Variants in UNC80 observed in about 807,000 individuals in gnomAD.
The protein encoded by UNC80 is protein unc-80 homolog.
Under a neutral mutation model 384.6 loss-of-function variants are expected in UNC80, and 164 were observed. The observed-to-expected ratio is 0.43, with a 90% CI of 0.38 to 0.49. The LOEUF is 0.49. Among genes scored for constraint, UNC80 ranks in the 20% least tolerant of loss-of-function variants. The pLI is 0.00. For synonymous variants in UNC80, 1,486 were observed against 1,527.8 expected, an observed-to-expected ratio of 0.97 and a Z score of 0.64; for missense variants, 3,330 against 4,143.0, an observed-to-expected ratio of 0.80 and a Z score of 5.39.
rs570625848 is a variant in UNC80, at chr2:209,805,728, C to T, written c.939-7852C>T. 8.5e-4 allele frequency among the ~76,000 whole-genome samples: 129 copies of T among 151,956 alleles called. 1 individual carries two copies. The highest frequency in any genetic ancestry group is 2.6e-3 in the African/African-American group (108 of 41,388). On this transcript the variant is annotated intron_variant, in intron 7 of 64. Coordinates refer to ENST00000673920, the MANE Select transcript of UNC80 (RefSeq NM_001371986.1). The stretch of plus-strand genomic sequence containing the variant: ...ACCTAATCTTCTATAACCTAATCTT[C>T]TATAACCTAATCTTTTATAACCTAA...
intron 42 of UNC80, among the ~76,000 whole-genome samples, chr2:209,938,545 G>A (rs2091399531): frequency 1.3e-5 from 2 of 152,160 alleles, no homozygotes; most frequent in South Asian, 4.1e-4. Flanking sequence ...CAAGGTGTGA[G>A]ATGTTGGGCA....
chr2:209,804,876 C>T (rs932119421), intron 7 of UNC80, among the ~76,000 whole-genome samples: 8 of 151,448 alleles, frequency 5.3e-5, no homozygotes, highest in South Asian at 2.1e-4. Flanking sequence ...TCTAATGGAA[C>T]GGTATTCTTG....
At chr2:209,827,911 G>A (rs903008232) in intron 14 of UNC80, among the ~76,000 whole-genome samples, 3 of 152,062 alleles carry the variant, frequency 2.0e-5, no homozygotes, top group Admixed American at 6.6e-5. Flanking sequence ...TCATTAGCTG[G>A]TAGTCTCCAA....
At chr2:209,828,545 G>T (rs2080719807) in intron 14 of UNC80, among the ~76,000 whole-genome samples, 2 of 150,872 alleles carry the variant, frequency 1.3e-5, no homozygotes, top group African/African-American at 2.4e-5. Context: ...ATTTTTTCCT[G>T]GGCCTTGATT....
At chr2:209,903,024 G>C (rs1180427425) in intron 28 of UNC80, among the ~76,000 whole-genome samples, 2 of 150,162 alleles carry the variant, frequency 1.3e-5, no homozygotes, top group Non-Finnish European at 3.0e-5. Context: ...GCAAGCCCCT[G>C]GTATAAAATG....
intron 61 of UNC80, 96 bp downstream of exon 61, chr2:209,985,008 C>T (rs183398566): frequency 4.5e-6 from 5 of 1,106,142 alleles, no homozygotes; most frequent in Non-Finnish European, 6.4e-6. Context: ...TCTCTTCTCG[C>T]CCCGTCTTAA....
In UNC80 at chr2:209,842,336, T is replaced by A; in HGVS notation, c.3358-14T>A. On this transcript the variant is annotated splice_polypyrimidine_tract_variant and intron_variant, in intron 20 of 64. Transcript: ENST00000673920. Reference sequence around the variant, plus strand: ...ATCTTATCTCTCTACTTTCCTTTTTTTTTCTTTTTTCAGGTCAAATTCACT... The same window carrying A: ...ATCTTATCTCTCTACTTTCCTTTTTATTTCTTTTTTCAGGTCAAATTCACT... 6.5e-7 allele frequency: 1 copy of A among 1,538,200 alleles called. No individual in the cohort carries two copies. The highest frequency in any genetic ancestry group is 8.8e-7 in the Non-Finnish European group (1 of 1,140,314).
chr2:209,968,674 G>GT (rs1394529872), intron 52 of UNC80: 4 of 152,142 alleles, frequency 2.6e-5, no homozygotes, highest in Non-Finnish European at 5.9e-5. Context: ...GAACATTTGT[G>GT]TCTATCAGCA....
At chr2:209,866,438 T>C (rs960828326) in intron 22 of UNC80, among the ~76,000 whole-genome samples, 1 of 148,498 alleles carries the variant, frequency 6.7e-6, no homozygotes. Context: ...AACTTGGGGA[T>C]TGGGTAAATA....
At chr2:209,858,694 CAAA>C (rs34333434) in intron 22 of UNC80, among the ~76,000 whole-genome samples, 1,332 of 126,006 alleles carry the variant, frequency 0.011, 18 homozygotes, top group African/African-American at 0.036. Flanking sequence ...ACCCTGTTTC[CAAA>C]AAAAAAAAAA....
At chr2:209,978,489 T>C (rs376255998) in intron 58 of UNC80, 40 bp from the exon 59 acceptor site, 127 of 1,459,146 alleles carry the variant, frequency 8.7e-5, no homozygotes, top group Admixed American at 1.9e-4. Flanking sequence ...ACATTTAAGA[T>C]TCTCACCATG....
At chr2:209,791,976 TA>T (rs2077839052) in intron 6 of UNC80, among the ~76,000 whole-genome samples, 1 of 152,136 alleles carries the variant, frequency 6.6e-6, no homozygotes, top group Non-Finnish European at 1.5e-5. Context: ...ATTGACACTG[TA>T]AAATGTACAT....
intron 22 of UNC80, among the ~76,000 whole-genome samples, chr2:209,854,778 T>C (rs2082776257): frequency 6.6e-6 from 1 of 152,164 alleles, no homozygotes; most frequent in Admixed American, 6.5e-5. Flanking sequence ...ATGGTGATTA[T>C]TAAAAACTCA....
Position 209,967,251 on chromosome 2 carries a change from A to G in UNC80, c.7806-186A>G, listed in dbSNP as rs1477191284. Among the ~76,000 whole-genome samples, 47 of 152,008 alleles carry G rather than the reference A, an allele frequency of 3.1e-4. 1 individual carries two copies. Among genetic ancestry groups the G allele is most frequent in the Admixed American group, 3.1e-3 (47 of 15,242 alleles). On this transcript the variant is annotated intron_variant, in intron 51 of 64. Coordinates refer to ENST00000673920, the MANE Select transcript of UNC80 (RefSeq NM_001371986.1). ...ATTCTATGATTCTCTATTAATATGCATATGTAGGTATCACTGTTCTGATGT... is the reference window on the plus strand; with the variant it reads ...ATTCTATGATTCTCTATTAATATGCGTATGTAGGTATCACTGTTCTGATGT...
rs1318243398 is a variant in UNC80, at chr2:209,967,627, C to A, written c.7996C>A (p.Pro2666Thr). 1 of 1,551,282 alleles carries A rather than the reference C, an allele frequency of 6.4e-7. No homozygotes were observed. Among genetic ancestry groups the A allele is most frequent in the Non-Finnish European group, 8.7e-7 (1 of 1,146,852 alleles). The change falls in exon 52 of 65, where the codon CCT becomes ACT. Residue 2666 changes from proline (P) to threonine (T), a missense_variant. Physicochemically the swap from Pro to Thr is conservative, Grantham distance 38. Transcript: ENST00000673920. ...DRMFNKIHKM[P>T]TLRRQVEWEP... is the part of the protein sequence containing the mutation. Reference sequence around the variant, plus strand: ...AATGTTCAACAAAATTCATAAGATGCCTACTTTGAGGTGAGAATGCCTCCG... The same window carrying A: ...AATGTTCAACAAAATTCATAAGATGACTACTTTGAGGTGAGAATGCCTCCG...
intron 4 of UNC80, among the ~76,000 whole-genome samples, chr2:209,784,445 AT>A (rs376929125): frequency 1.3e-5 from 2 of 151,088 alleles, no homozygotes; most frequent in East Asian, 1.9e-4. Flanking sequence ...CTCCAATTTT[AT>A]TTTTTTTTCT....
chr2:209,880,299 T>C (rs1208017240), intron 24 of UNC80, among the ~76,000 whole-genome samples: 1 of 152,252 alleles, frequency 6.6e-6, no homozygotes, highest in Non-Finnish European at 1.5e-5. Flanking sequence ...AAGGTCAATA[T>C]TCTGCAGAGC....
intron 5 of UNC80, among the ~76,000 whole-genome samples, chr2:209,787,876 A>T (rs1340900940): frequency 2.6e-5 from 4 of 152,190 alleles, no homozygotes; most frequent in Non-Finnish European, 5.9e-5. Flanking sequence ...CTGTAAAACA[A>T]TCTTAGGCAG....
chr2:209,913,357 T>A (rs1240678664), intron 30 of UNC80, among the ~76,000 whole-genome samples: 1 of 152,174 alleles, frequency 6.6e-6, no homozygotes, highest in Non-Finnish European at 1.5e-5. Flanking sequence ...GTATTATGTA[T>A]TTCAAAGGGA....
Sources: gnomAD v4.1 joint callset for allele counts (sites outside exome capture counted in the v4.1 genomes callset) on GRCh38, gnomAD v4.1.1 for gene constraint, MANE v1.5 for transcripts, NCBI Gene and HGNC (gene_info 2026-07-23, HGNC 2026-07-21) for gene names.